Variants in KIAA0232 observed in about 807,000 individuals in gnomAD.
KIAA0232 encodes the protein uncharacterized protein KIAA0232.
Under a neutral mutation model 122.0 loss-of-function variants are expected in KIAA0232, and 27 were observed. The ratio of observed to expected loss-of-function variants is 0.22; its 90% CI spans 0.16 to 0.31. The LOEUF is 0.31. Among genes scored for constraint, KIAA0232 ranks in the 10% least tolerant of loss-of-function variants. The pLI, the probability that KIAA0232 is intolerant of heterozygous loss-of-function variation, is 1.00. For missense variants in KIAA0232, 1,551 were observed against 1,634.2 expected (o/e 0.95, Z 0.88); for synonymous variants, 613 against 587.6 (o/e 1.04, Z -0.63).
chr4:6,800,463 C>G (rs1241881306), intron 1 of KIAA0232, among the ~76,000 whole-genome samples: 1 of 150,958 alleles, frequency 6.6e-6, no homozygotes, highest in Non-Finnish European at 1.5e-5. Context: ...AGGCGGATCA[C>G]CTGAGGTCAG....
rs1465171890 is a variant in KIAA0232 at position 6,863,674 on chromosome 4, A to G, written c.3292A>G (p.Arg1098Gly). 2 of 1,614,220 alleles carry G rather than the reference A, an allele frequency of 1.2e-6. No homozygotes were observed. Among genetic ancestry groups the G allele is most frequent in the South Asian group, 1.1e-5 (1 of 91,082 alleles). Reference sequence around the variant, plus strand: ...ATGTGGTGTTGACAGAACACAATACAGGGCTATTCGGATCTCTCCTCGGAC... The same window carrying G: ...ATGTGGTGTTGACAGAACACAATACGGGGCTATTCGGATCTCTCCTCGGAC... ...RICGVDRTQY[R>G]AIRISPRTHF... Residue 1098 changes from arginine to glycine, a missense_variant, in exon 7 of 10, where the codon AGG becomes GGG. Arg to Gly is a moderately radical substitution (Grantham distance 125, BLOSUM62 -2). Coordinates refer to ENST00000307659, the MANE Select transcript of KIAA0232 (RefSeq NM_014743.3).
intron 1 of KIAA0232, among the ~76,000 whole-genome samples, chr4:6,795,132 A>G (rs1487233989): frequency 6.6e-6 from 1 of 152,114 alleles, no homozygotes; most frequent in Non-Finnish European, 1.5e-5. Flanking sequence ...GTGCAATTGC[A>G]TGATCTCGGC....
intron 2 of KIAA0232, among the ~76,000 whole-genome samples, chr4:6,807,563 G>T (rs1717697537): frequency 6.6e-6 from 1 of 152,188 alleles, no homozygotes; most frequent in South Asian, 2.1e-4. Context: ...CTGTAGGTCT[G>T]ATTGTCCATT....
intron 4 of KIAA0232, among the ~76,000 whole-genome samples, chr4:6,844,931 A>G (rs977080976): frequency 2.0e-5 from 3 of 152,254 alleles, no homozygotes; most frequent in Non-Finnish European, 4.4e-5. Flanking sequence ...CTAAAAGTAT[A>G]GCAGCCTCAC....
intron 1 of KIAA0232, among the ~76,000 whole-genome samples, chr4:6,804,150 T>G (rs1438961212): frequency 1.3e-5 from 2 of 152,220 alleles, no homozygotes; most frequent in African/African-American, 4.8e-5. Context: ...GATTCAAGGA[T>G]GCCTTAAAGT....
Position 6,817,648 on chromosome 4 carries a change from C to A in KIAA0232, c.-269-6537C>A, listed in dbSNP as rs538385437. Reference sequence around the variant, plus strand: ...TGATTGAATTCTTTTAAGCTTATTGCACCTTTTCTGTGGCCAAAGATACAG... The same window carrying A: ...TGATTGAATTCTTTTAAGCTTATTGAACCTTTTCTGTGGCCAAAGATACAG... On this transcript the variant is annotated intron_variant, in intron 2 of 9. Coordinates refer to ENST00000307659, the MANE Select transcript of KIAA0232 (RefSeq NM_014743.3). Among the ~76,000 whole-genome samples the A allele has an allele frequency of 9.8e-5, 15 of 152,288 alleles. No individual in the cohort carries two copies. The South Asian group carries it at 3.1e-3, about 32-fold the overall frequency.
At chr4:6,827,255 A>C (rs1718740475) in intron 3 of KIAA0232, among the ~76,000 whole-genome samples, 1 of 152,210 alleles carries the variant, frequency 6.6e-6, no homozygotes. Context: ...GTCCCTTGTT[A>C]AAGGTGGCAA....
At chr4:6,810,131 C>T (rs1717811332) in intron 2 of KIAA0232, among the ~76,000 whole-genome samples, 2 of 152,010 alleles carry the variant, frequency 1.3e-5, no homozygotes, top group Admixed American at 1.3e-4. Context: ...GCAATCCTGA[C>T]CAAAAAGAAC....
At chr4:6,843,347 T>C (rs781565430) in intron 4 of KIAA0232, among the ~76,000 whole-genome samples, 1 of 152,250 alleles carries the variant, frequency 6.6e-6, no homozygotes, top group Non-Finnish European at 1.5e-5. Context: ...AATGGTCTAG[T>C]GTTGCGATCG....
In KIAA0232 at chr4:6,840,860, T is replaced by A. The variant is rs1287308694; in HGVS notation, c.232-1207T>A. Among the ~76,000 whole-genome samples, 6 of 152,188 alleles carry A rather than the reference T, an allele frequency of 3.9e-5. No individual in the cohort carries two copies. In the East Asian group the frequency reaches 1.2e-3, roughly 29 times the overall value. ...AGTACAGGATAGGAGACTAAAAGGATAACAATAAGTGAGATAGAAATATCT... is the reference window on the plus strand; with the variant it reads ...AGTACAGGATAGGAGACTAAAAGGAAAACAATAAGTGAGATAGAAATATCT... On this transcript the variant is annotated intron_variant, in intron 3 of 9. Coordinates refer to ENST00000307659, the MANE Select transcript of KIAA0232 (RefSeq NM_014743.3).
At chr4:6,871,280 A>T (rs1045033284) in intron 7 of KIAA0232, among the ~76,000 whole-genome samples, 2 of 152,208 alleles carry the variant, frequency 1.3e-5, no homozygotes, top group Admixed American at 6.5e-5. Flanking sequence ...AAAAAGCACA[A>T]AAAATGAGCC....
At chr4:6,851,722 T>TAAAAAAAAAAAAA (rs74937263) in intron 4 of KIAA0232, among the ~76,000 whole-genome samples, 5 of 97,220 alleles carry the variant, frequency 5.1e-5, no homozygotes, top group African/African-American at 2.1e-4. Flanking sequence ...TCTCAAAAAT[T>TAAAAAAAAAAAAA]AAAAAAAAAA....
Position 6,883,440 on chromosome 4 carries a change from A to T in KIAA0232, c.*2474A>T, listed in dbSNP as rs1019617198. The T allele has an allele frequency of 6.6e-6, 1 of 152,280 alleles. No individual in the cohort carries two copies. The highest frequency in any genetic ancestry group is 2.4e-5 in the African/African-American group (1 of 41,458). The allele number at this position is 152,280 out of a possible 1,614,324, so 9.4% of individuals were successfully genotyped here. On this transcript the variant is annotated 3_prime_UTR_variant, in exon 10 of 10. Coordinates refer to ENST00000307659, the MANE Select transcript of KIAA0232 (RefSeq NM_014743.3). ...CTCCAGCTTCCTTTTACTCATGAGC[A>T]TCCGTGGAAGAGCAAGTGCCCAGGT...
chr4:6,809,856 T>C (rs368569486), intron 2 of KIAA0232, among the ~76,000 whole-genome samples: 1 of 152,026 alleles, frequency 6.6e-6, no homozygotes, highest in Non-Finnish European at 1.5e-5. Context: ...ACAAGGTACC[T>C]AGGAATACAT....
rs564671424 is a variant in KIAA0232, at chr4:6,795,262, CAG to C, written c.-353-9260_-353-9259del. Among the ~76,000 whole-genome samples, 655 of 152,210 alleles carry C rather than the reference CAG, an allele frequency of 4.3e-3. 4 individuals carry two copies. Among genetic ancestry groups the C allele is most frequent in the Non-Finnish European group, 5.1e-3 (348 of 68,020 alleles). On this transcript the variant is annotated intron_variant, in intron 1 of 9. Coordinates refer to ENST00000307659, the MANE Select transcript of KIAA0232 (RefSeq NM_014743.3). ...ATTTTTTTGTATTTTTTAGTAGAGA[CAG>C]GGTTTCATCGTGCTAGCCAGGATGA...
chr4:6,849,718 G>T (rs959300565), intron 4 of KIAA0232, among the ~76,000 whole-genome samples: 3 of 151,192 alleles, frequency 2.0e-5, no homozygotes, highest in Non-Finnish European at 4.4e-5. Context: ...GTGGAGCCAA[G>T]ATCACGCCAC....
At chr4:6,815,123 C>T (rs1718059096) in intron 2 of KIAA0232, among the ~76,000 whole-genome samples, 3 of 151,442 alleles carry the variant, frequency 2.0e-5, no homozygotes, top group South Asian at 2.1e-4. Flanking sequence ...AATTTAACTT[C>T]GTATTGACTA....
chr4:6,843,711 A>G (rs1719785838), intron 4 of KIAA0232, among the ~76,000 whole-genome samples: 1 of 152,192 alleles, frequency 6.6e-6, no homozygotes, highest in Non-Finnish European at 1.5e-5. Flanking sequence ...CAGAGGTTGC[A>G]GTGAGCCAGG....
In KIAA0232 at chr4:6,782,826, C is replaced by T. The variant is rs1026355245; in HGVS notation, c.-369C>T. ...GCGCCCCCGCCGGCCGCCGCGCCGC[C>T]CGGCAGCCTCGGCAGGTACTGCGGG... On this transcript the variant is annotated 5_prime_UTR_variant, in exon 1 of 10. Transcript: ENST00000307659. 2.7e-5 allele frequency: 4 copies of T among 148,600 alleles called. No homozygotes were observed. The highest frequency in any genetic ancestry group is 1.3e-4 in the Admixed American group (2 of 14,938). 9.2% of individuals were successfully genotyped at this position (148,600 alleles called of 1,614,324 possible).
Sources: allele counts gnomAD v4.1 joint callset (sites outside exome capture counted in the v4.1 genomes callset), GRCh38; gene constraint gnomAD v4.1.1; transcripts MANE v1.5; gene names NCBI Gene and HGNC (gene_info 2026-07-23, HGNC 2026-07-21).